The following KIF20B variants were observed in gnomAD, a reference collection of about 807,000 sequenced individuals.
KIF20B encodes the protein kinesin-like protein KIF20B.
A neutral mutation model predicts 232.5 loss-of-function variants in KIF20B; 188 were observed. The observed-to-expected ratio is 0.81, with a 90% CI of 0.72 to 0.91. The LOEUF is 0.91. KIF20B is among the 40% of genes least tolerant of loss of function. The pLI is 0.00. For missense variants in KIF20B, 2,154 were observed against 2,055.9 expected (o/e 1.05, Z -0.92); for synonymous variants, 712 against 683.0 (o/e 1.04, Z -0.66).
In KIF20B at chr10:89,738,264, T is replaced by G. The variant is rs148573019; in HGVS notation, c.3423T>G (p.His1141Gln). ...KNVTLDVQIQ[H>Q]VVEGKRALSE... is the part of the protein sequence containing the mutation. Reference sequence around the variant, plus strand: ...TTACTCTTGATGTTCAAATACAGCATGTAGTTGAAGGAAAGAGAGCGCTTT... The same window carrying G: ...TTACTCTTGATGTTCAAATACAGCAGGTAGTTGAAGGAAAGAGAGCGCTTT... The change falls in exon 20 of 33, where the codon CAT becomes CAG. Residue 1141 changes from histidine to glutamine, a missense_variant. By Grantham distance (24) the His-to-Gln change is conservative. Coordinates refer to ENST00000371728, the MANE Select transcript of KIF20B (RefSeq NM_001284259.2). The G allele has an allele frequency of 6.2e-5, 100 of 1,610,600 alleles. No individual in the cohort carries two copies. Among genetic ancestry groups the G allele is most frequent in the Non-Finnish European group, 8.1e-5 (95 of 1,179,134 alleles).
chr10:89,741,677 T>A (rs1405365802), intron 21 of KIF20B, among the ~76,000 whole-genome samples: 1 of 152,204 alleles, frequency 6.6e-6, no homozygotes, highest in East Asian at 1.9e-4. Flanking sequence ...AGTTTTGCTT[T>A]CTGTGGTTTC....
At chr10:89,735,007 C>T (rs1841617220) in intron 19 of KIF20B, among the ~76,000 whole-genome samples, 1 of 152,142 alleles carries the variant, frequency 6.6e-6, no homozygotes, top group Admixed American at 6.5e-5. Flanking sequence ...TATTTGGTGC[C>T]AGGAATCTGC....
In KIF20B at chr10:89,705,246, C is replaced by T. The variant is rs756265925; in HGVS notation, c.-1-48C>T. On this transcript the variant is annotated intron_variant, in intron 1 of 32. Coordinates refer to ENST00000371728, the MANE Select transcript of KIF20B (RefSeq NM_001284259.2). The stretch of plus-strand genomic sequence containing the variant: ...GACTTTTGAAAGTGTGGGTGGCTTA[C>T]ATGCTGACTTATTAAGGTTGTTAAA... 4.5e-6 allele frequency: 7 copies of T among 1,560,916 alleles called. No homozygotes were observed. The South Asian group carries it at 4.5e-5, about 10-fold the overall frequency.
At chr10:89,702,157 C>T (rs1016582933) in intron 1 of KIF20B, among the ~76,000 whole-genome samples, 4 of 152,182 alleles carry the variant, frequency 2.6e-5, no homozygotes, top group Non-Finnish European at 1.5e-5. Flanking sequence ...TTTTCTGAAG[C>T]TCTGAGGTGA....
intron 19 of KIF20B, 62 bp from the exon 20 acceptor site, chr10:89,737,325 A>G: frequency 7.2e-7 from 1 of 1,381,388 alleles, no homozygotes; most frequent in Non-Finnish European, 9.5e-7. Context: ...ATTGGCTTAT[A>G]TGGTGACTTT....
At chr10:89,756,002 A>T (rs1472420329) in intron 26 of KIF20B, among the ~76,000 whole-genome samples, 1 of 152,124 alleles carries the variant, frequency 6.6e-6, no homozygotes, top group African/African-American at 2.4e-5. Context: ...AGAGTTGGCC[A>T]GTTTTTATTA....
intron 19 of KIF20B, 33 bp from the exon 20 acceptor site, chr10:89,737,354 G>A (rs1159909317): frequency 7.0e-7 from 1 of 1,436,062 alleles, no homozygotes; most frequent in Non-Finnish European, 9.1e-7. Flanking sequence ...ATTAAGGTTT[G>A]CCAGATTAAT....
At chr10:89,733,143 C>A in intron 19 of KIF20B, 87 bp downstream of exon 19, 2 of 1,346,140 alleles carry the variant, frequency 1.5e-6, no homozygotes, top group African/African-American at 1.5e-5. Context: ...GGGGCATTCA[C>A]TTGTCTAAGG....
In KIF20B at chr10:89,772,728, CAA is replaced by C; in HGVS notation, c.5284_5285del (p.Asn1762CysfsTer5). The C allele has an allele frequency of 6.2e-7, 1 of 1,604,286 alleles. No homozygotes were observed. The highest frequency in any genetic ancestry group is 8.5e-7 in the Non-Finnish European group (1 of 1,173,144). ...GAAACAATGAGCTCTTCAAAGCTCT[CAA>C]ATGTAGAAGCAAGTAAAGAAAATGT... On this transcript the variant is annotated frameshift_variant, in exon 32 of 33. Coordinates refer to ENST00000371728, the MANE Select transcript of KIF20B (RefSeq NM_001284259.2). LOFTEE classifies it high-confidence loss of function.
At chr10:89,760,458 A>T in intron 27 of KIF20B, 68 bp from the exon 28 acceptor site, 1 of 915,014 alleles carries the variant, frequency 1.1e-6, no homozygotes, top group South Asian at 1.5e-5. Flanking sequence ...TATATTCTTT[A>T]TGTGAAGTTT....
chr10:89,734,461 A>G (rs1040499807), intron 19 of KIF20B, among the ~76,000 whole-genome samples: 2 of 152,140 alleles, frequency 1.3e-5, no homozygotes, highest in Non-Finnish European at 2.9e-5. Context: ...AACCTTGAGA[A>G]CAAACAATCA....
Position 89,733,264 on chromosome 10 carries a change from T to C in KIF20B, c.2545+208T>C, listed in dbSNP as rs528025246. ...ATCTTAATAAATATGCTTTTAGAAA[T>C]TGTGCTTTTATTATTTCTTTCGCAG... On this transcript the variant is annotated intron_variant, in intron 19 of 32. Coordinates refer to ENST00000371728, the MANE Select transcript of KIF20B (RefSeq NM_001284259.2). 1.1e-3 allele frequency: 517 copies of C among 461,822 alleles called. 10 individuals carry two copies. The South Asian group carries it at 0.013, about 12-fold the overall frequency. 28.6% of individuals were successfully genotyped at this position (461,822 alleles called of 1,614,324 possible). A position where few individuals can be genotyped will look rare whatever the true frequency, so the allele number is the denominator to read the frequency against.
At position 89,738,203 on chromosome 10, in the gene KIF20B, T is replaced by G. The variant is rs368304916; in HGVS notation, c.3362T>G (p.Ile1121Arg). The G allele has an allele frequency of 4.4e-6, 7 of 1,604,832 alleles. No homozygotes were observed. Among genetic ancestry groups the G allele is most frequent in the Non-Finnish European group, 5.9e-6 (7 of 1,178,364 alleles). ...CTACTAAAAGAAAAAGAAACTCTTA[T>G]ACAGCAGCTGAAAGAAGAATTGCAA... ...DDLLKEKETL[I>R]QQLKEELQEK... Residue 1121 changes from isoleucine (I) to arginine (R), a missense_variant, in exon 20 of 33, where the codon ATA becomes AGA. Ile to Arg is a moderately conservative substitution (Grantham distance 97, BLOSUM62 -3). Coordinates refer to ENST00000371728, the MANE Select transcript of KIF20B (RefSeq NM_001284259.2).
At chr10:89,754,010 G>C (rs1842073587) in intron 25 of KIF20B, among the ~76,000 whole-genome samples, 1 of 151,788 alleles carries the variant, frequency 6.6e-6, no homozygotes, top group African/African-American at 2.4e-5. Flanking sequence ...TGAACCCAAA[G>C]AATCTGTGGT....
chr10:89,733,686 C>T lies in KIF20B; in HGVS notation c.2545+630C>T, dbSNP rs146811981. ...AAATGTAAATTGCAAACATAAGAAACGCTTCAAAAAGAAACTCAGCAGCTT... is the reference window on the plus strand; with the variant it reads ...AAATGTAAATTGCAAACATAAGAAATGCTTCAAAAAGAAACTCAGCAGCTT... On this transcript the variant is annotated intron_variant, in intron 19 of 32. Coordinates refer to ENST00000371728, the MANE Select transcript of KIF20B (RefSeq NM_001284259.2). Among the ~76,000 whole-genome samples the T allele has an allele frequency of 8.0e-3, 1,213 of 152,180 alleles. 15 individuals carry two copies. Among genetic ancestry groups the T allele is most frequent in the African/African-American group, 0.028 (1,160 of 41,524 alleles).
At chr10:89,701,900 C>A (rs1304679052) in intron 1 of KIF20B, among the ~76,000 whole-genome samples, 2 of 152,204 alleles carry the variant, frequency 1.3e-5, no homozygotes, top group African/African-American at 4.8e-5. Flanking sequence ...TAAATCTCGC[C>A]TCCACTGCTA....
intron 23 of KIF20B, among the ~76,000 whole-genome samples, chr10:89,746,674 G>A (rs557189285): frequency 7.9e-5 from 12 of 152,202 alleles, no homozygotes; most frequent in African/African-American, 1.7e-4. Flanking sequence ...GCACAGGCCC[G>A]AGGGTGGAGC....
In KIF20B at chr10:89,737,964, A is replaced by AT; in HGVS notation, c.3124dup (p.Tyr1042LeufsTer8). 6.2e-7 allele frequency: 1 copy of AT among 1,613,260 alleles called. No homozygotes were observed. The highest frequency in any genetic ancestry group is 2.2e-5 in the East Asian group (1 of 44,812). On this transcript the variant is annotated frameshift_variant, in exon 20 of 33. Coordinates refer to ENST00000371728, the MANE Select transcript of KIF20B (RefSeq NM_001284259.2). LOFTEE classifies it high-confidence loss of function. ...ATTTGGTAAGTAAGCAAGTTAAAGA[A>AT]TATCGAATTCAAGAACCCAATAGGG...
At chr10:89,768,505 C>A (rs1842407302) in intron 30 of KIF20B, 114 bp downstream of exon 30, 3 of 766,400 alleles carry the variant, frequency 3.9e-6, no homozygotes, top group East Asian at 5.3e-5. Context: ...GAAATGTAAC[C>A]TTTAGCATTT....
Sources: allele counts gnomAD v4.1 joint callset (sites outside exome capture counted in the v4.1 genomes callset), GRCh38; gene constraint gnomAD v4.1.1; transcripts MANE v1.5; gene names NCBI Gene and HGNC (gene_info 2026-07-23, HGNC 2026-07-21).